Variants in RCL1 observed in about 807,000 individuals in gnomAD.
RCL1 encodes RNA 3'-terminal phosphate cyclase-like protein.
RCL1 carries 24 observed loss-of-function variants against 42.4 expected under a neutral mutation model. The ratio of observed to expected loss-of-function variants is 0.57; its 90% confidence interval spans 0.41 to 0.80. The LOEUF is 0.80. RCL1 is among the 30% of genes least tolerant of loss of function. The pLI is 0.00. For missense variants in RCL1, 578 were observed against 467.9 expected, an observed-to-expected ratio of 1.24 and a Z score of -2.17; for synonymous variants, 228 against 177.3, an observed-to-expected ratio of 1.29 and a Z score of -2.27.
intron 3 of RCL1, chr9:4,827,260 G>C: frequency 1.4e-6 from 2 of 1,459,384 alleles, no homozygotes; most frequent in Non-Finnish European, 1.8e-6. Context: ...GCCTTTTGTT[G>C]TTACCTAAGA....
intron 8 of RCL1, chr9:4,850,238 G>A (rs1388991556): frequency 7.8e-6 from 4 of 510,236 alleles, no homozygotes; most frequent in Non-Finnish European, 1.7e-5. Flanking sequence ...ATCATCATAT[G>A]GCCCATCTGA....
chr9:4,810,583 G>GATGAAATTGATCAAAA (rs1223498175), intron 1 of RCL1, among the ~76,000 whole-genome samples: 4 of 151,888 alleles, frequency 2.6e-5, no homozygotes, highest in Non-Finnish European at 5.9e-5. Flanking sequence ...ATGAAAATTT[G>GATGAAATTGATCAAAA]GCTTGTTTCC....
intron 7 of RCL1, among the ~76,000 whole-genome samples, chr9:4,846,408 G>A (rs1238109337): frequency 1.3e-5 from 2 of 152,204 alleles, no homozygotes; most frequent in East Asian, 3.8e-4. Flanking sequence ...GTGCAGTCAC[G>A]ATCTGGCCTC....
intron 8 of RCL1, chr9:4,850,328 G>T (rs1411860402): frequency 1.9e-6 from 1 of 534,294 alleles, no homozygotes; most frequent in African/African-American, 1.9e-5. Flanking sequence ...TGGTACCGAT[G>T]CTGTATATCT....
chr9:4,846,507 A>T (rs943786233), intron 7 of RCL1, among the ~76,000 whole-genome samples: 1 of 152,224 alleles, frequency 6.6e-6, no homozygotes, highest in African/African-American at 2.4e-5. Flanking sequence ...TTTGGGGTAG[A>T]TGATCAAGAG....
At chr9:4,823,738 T>G (rs887221909) in intron 2 of RCL1, 119 bp downstream of exon 2, 2 of 663,518 alleles carry the variant, frequency 3.0e-6, no homozygotes, top group African/African-American at 3.7e-5. Flanking sequence ...ATCACTCTTT[T>G]TAATGGTATA....
chr9:4,838,652 C>T (rs983424388), intron 5 of RCL1, among the ~76,000 whole-genome samples: 21 of 152,234 alleles, frequency 1.4e-4, no homozygotes, highest in Admixed American at 4.6e-4. Flanking sequence ...GAGTGGGAGT[C>T]CCATATGGAC....
At chr9:4,841,858 A>C (rs1279151959) in intron 6 of RCL1, among the ~76,000 whole-genome samples, 1 of 152,218 alleles carries the variant, frequency 6.6e-6, no homozygotes, top group Non-Finnish European at 1.5e-5. Flanking sequence ...AAATTTTAAA[A>C]ATTAGAAAAA....
intron 1 of RCL1, among the ~76,000 whole-genome samples, chr9:4,795,022 T>C (rs934241619): frequency 6.6e-6 from 1 of 152,218 alleles, no homozygotes; most frequent in Admixed American, 6.5e-5. Context: ...TAGTTATTTG[T>C]ACATCCTTGC....
At chr9:4,798,303 A>G (rs889259429) in intron 1 of RCL1, among the ~76,000 whole-genome samples, 4 of 152,216 alleles carry the variant, frequency 2.6e-5, no homozygotes, top group East Asian at 1.9e-4. Context: ...ATGGAAGAGA[A>G]TCCCACCAGA....
intron 2 of RCL1, among the ~76,000 whole-genome samples, chr9:4,824,747 C>G (rs1816704460): frequency 6.6e-6 from 1 of 152,186 alleles, no homozygotes; most frequent in Non-Finnish European, 1.5e-5. Flanking sequence ...TGATCTATAG[C>G]TGCATTCAGC....
At chr9:4,819,695 T>C (rs1353660359) in intron 1 of RCL1, among the ~76,000 whole-genome samples, 1 of 152,190 alleles carries the variant, frequency 6.6e-6, no homozygotes, top group African/African-American at 2.4e-5. Flanking sequence ...TAGTCCCAGC[T>C]ACTCGGGAGG....
chr9:4,823,846 C>A lies in RCL1; in HGVS notation c.208+227C>A, dbSNP rs555079358. Among the ~76,000 whole-genome samples the A allele has an allele frequency of 2.6e-5, 4 of 152,074 alleles. No homozygotes were observed. In the East Asian group the frequency reaches 7.7e-4, roughly 29 times the overall value. On this transcript the variant is annotated intron_variant, in intron 2 of 8. Transcript: ENST00000381750. Reference sequence around the variant, plus strand: ...CTTATATGAGGAACTCACCATATAACTTTGGAGTTATATGAGGAAGCTGTG... The same window carrying A: ...CTTATATGAGGAACTCACCATATAAATTTGGAGTTATATGAGGAAGCTGTG...
chr9:4,828,279 A>G (rs1448728614), intron 3 of RCL1, among the ~76,000 whole-genome samples: 1 of 152,144 alleles, frequency 6.6e-6, no homozygotes, highest in Non-Finnish European at 1.5e-5. Flanking sequence ...TCTGAGGCAG[A>G]ATGTGAATTA....
At chr9:4,857,140 G>A (rs1369735158) in intron 8 of RCL1, among the ~76,000 whole-genome samples, 1 of 152,152 alleles carries the variant, frequency 6.6e-6, no homozygotes, top group Non-Finnish European at 1.5e-5. Flanking sequence ...TAAGTACACA[G>A]TTTAAAGGTT....
At chr9:4,823,976 A>G (rs1334597854) in intron 2 of RCL1, among the ~76,000 whole-genome samples, 2 of 152,202 alleles carry the variant, frequency 1.3e-5, no homozygotes, top group African/African-American at 4.8e-5. Context: ...TTCCAGAGAC[A>G]TACATGAAGT....
intron 3 of RCL1, among the ~76,000 whole-genome samples, chr9:4,832,805 CAAAAAAA>C (rs34915834): frequency 2.3e-4 from 9 of 39,314 alleles, no homozygotes; most frequent in South Asian, 1.3e-3. Flanking sequence ...AGATTCCACT[CAAAAAAA>C]AAAAAAAAAA....
At chr9:4,849,422 T>C (rs755882571) in intron 7 of RCL1, 25 bp from the exon 8 acceptor site, 3 of 1,577,434 alleles carry the variant, frequency 1.9e-6, no homozygotes, top group South Asian at 2.2e-5. Context: ...TTCTGGTTTG[T>C]ACAATTATTA....
At chr9:4,855,731 A>C (rs1817937171) in intron 8 of RCL1, among the ~76,000 whole-genome samples, 1 of 152,122 alleles carries the variant, frequency 6.6e-6, no homozygotes. Flanking sequence ...AAAGATTCTG[A>C]AATGTACCTT....
Sources: allele counts gnomAD v4.1 joint callset (sites outside exome capture counted in the v4.1 genomes callset), GRCh38; gene constraint gnomAD v4.1.1; transcripts MANE v1.5; gene names NCBI Gene and HGNC (gene_info 2026-07-23, HGNC 2026-07-21).